Variants in ANKS1B observed in about 807,000 individuals in gnomAD.
ANKS1B encodes the protein ankyrin repeat and sterile alpha motif domain containing 1B.
In ANKS1B, 36 loss-of-function variants were observed where a neutral mutation model predicts 148.3. The observed-to-expected ratio is 0.24, with a 90% CI of 0.19 to 0.32. ANKS1B has a LOEUF of 0.32. Among genes scored for constraint, ANKS1B ranks in the 10% least tolerant of loss-of-function variants. The pLI, the probability that ANKS1B is intolerant of heterozygous loss-of-function variation, is 1.00. For synonymous variants in ANKS1B, 542 were observed against 560.8 expected, an observed-to-expected ratio of 0.97 and a Z score of 0.47; for missense variants, 1,157 against 1,542.6, an observed-to-expected ratio of 0.75 and a Z score of 4.19.
At chr12:99,305,269 T>C (rs1462382201) in intron 12 of ANKS1B, among the ~76,000 whole-genome samples, 1 of 152,106 alleles carries the variant, frequency 6.6e-6, no homozygotes, top group Non-Finnish European at 1.5e-5. Flanking sequence ...CATTTCAACA[T>C]GAGATTTGGA....
At chr12:99,565,321 C>T (rs1182235831) in intron 9 of ANKS1B, among the ~76,000 whole-genome samples, 2 of 152,236 alleles carry the variant, frequency 1.3e-5, no homozygotes, top group East Asian at 3.9e-4. Flanking sequence ...CCATTAAGTG[C>T]AGCTCCTGGG....
At chr12:99,451,243 ATACT>A (rs1226404641) in intron 10 of ANKS1B, among the ~76,000 whole-genome samples, 3 of 152,242 alleles carry the variant, frequency 2.0e-5, no homozygotes, top group Non-Finnish European at 1.5e-5. Context: ...ATTAGAAAAA[ATACT>A]TATAGTTTAT....
rs144084451 is a variant in ANKS1B, at chr12:99,123,246, G to A, written c.2526+31043C>T. 1.1e-3 allele frequency among the ~76,000 whole-genome samples: 174 copies of A among 152,096 alleles called. 3 individuals carry two copies. Among genetic ancestry groups the A allele is most frequent in the Admixed American group, 9.2e-4 (14 of 15,268 alleles). On this transcript the variant is annotated intron_variant, in intron 15 of 26. Coordinates refer to ENST00000683438, the MANE Select transcript of ANKS1B (RefSeq NM_001352186.2). ...GGAGACAGGTGCTGTGTTAGGGTGAGGAGAAAGTGCCTCTTGATATGGTGA... is the reference window on the plus strand; with the variant it reads ...GGAGACAGGTGCTGTGTTAGGGTGAAGAGAAAGTGCCTCTTGATATGGTGA...
At chr12:99,630,647 T>C (rs762926841) in intron 9 of ANKS1B, among the ~76,000 whole-genome samples, 4 of 152,186 alleles carry the variant, frequency 2.6e-5, no homozygotes, top group Non-Finnish European at 5.9e-5. Flanking sequence ...CTAAGGGAAT[T>C]ATTATTCTTT....
intron 12 of ANKS1B, among the ~76,000 whole-genome samples, chr12:99,379,950 C>G (rs1022976132): frequency 4.6e-5 from 7 of 152,196 alleles, no homozygotes; most frequent in Non-Finnish European, 1.0e-4. Context: ...GACTTAGAGT[C>G]TCTTTTGTGA....
At chr12:98,839,349 G>A (rs1299921171) in intron 17 of ANKS1B, among the ~76,000 whole-genome samples, 1 of 151,780 alleles carries the variant, frequency 6.6e-6, no homozygotes, top group African/African-American at 2.4e-5. Flanking sequence ...ACGTATGTGT[G>A]TGTATATTTG....
rs1388106659 is a variant in ANKS1B at position 99,782,112 on chromosome 12, G to A, written c.670-15C>T. 1 of 1,562,450 alleles carries A rather than the reference G, an allele frequency of 6.4e-7. No individual in the cohort carries two copies. Among genetic ancestry groups the A allele is most frequent in the Non-Finnish European group, 8.7e-7 (1 of 1,153,200 alleles). ...CCCTTTTCTGTCTGGAAAAAAAAAA[G>A]TAAGAAAAAAGAAAGCACGGTTGCA... On this transcript the variant is annotated splice_polypyrimidine_tract_variant and intron_variant, in intron 4 of 26. Coordinates refer to ENST00000683438, the MANE Select transcript of ANKS1B (RefSeq NM_001352186.2).
chr12:98,858,321 T>A (rs1595658386), intron 17 of ANKS1B, among the ~76,000 whole-genome samples: 1 of 152,210 alleles, frequency 6.6e-6, no homozygotes, highest in African/African-American at 2.4e-5. Flanking sequence ...GCTGGTCAGA[T>A]GAATGTAAGA....
At chr12:99,121,827 T>C (rs1039465470) in intron 15 of ANKS1B, among the ~76,000 whole-genome samples, 8 of 152,208 alleles carry the variant, frequency 5.3e-5, no homozygotes, top group African/African-American at 1.9e-4. Flanking sequence ...TAAGGGTAAC[T>C]GTTTTCCTTT....
chr12:99,890,243 G>A (rs2153746939), intron 1 of ANKS1B, among the ~76,000 whole-genome samples: 2 of 152,242 alleles, frequency 1.3e-5, no homozygotes, highest in East Asian at 3.9e-4. Context: ...ATTTTTAAAT[G>A]TAATTAACAT....
intron 9 of ANKS1B, among the ~76,000 whole-genome samples, chr12:99,539,217 G>T (rs1033417016): frequency 6.6e-6 from 1 of 152,060 alleles, no homozygotes; most frequent in African/African-American, 2.4e-5. Context: ...ATATAAGATA[G>T]TATAAATGTA....
rs1162681877 is a variant in ANKS1B, at chr12:98,751,719, T to C, written c.3580-197A>G. On this transcript the variant is annotated intron_variant, in intron 25 of 26. Coordinates refer to ENST00000683438, the MANE Select transcript of ANKS1B (RefSeq NM_001352186.2). This position sits in a 1 kb window ranked among gnomAD's most constrained non-coding sequence, Gnocchi z 4.3. ...AGGGTTTACACCAGGCTTTAGTCAT[T>C]TGTGAAAAGAAAAATCTTGGGACCT... Among the ~76,000 whole-genome samples the C allele has an allele frequency of 1.3e-5, 2 of 152,156 alleles. No homozygotes were observed. The highest frequency in any genetic ancestry group is 2.9e-5 in the Non-Finnish European group (2 of 68,032).
At chr12:98,858,417 C>T (rs1436301558) in intron 17 of ANKS1B, among the ~76,000 whole-genome samples, 1 of 152,218 alleles carries the variant, frequency 6.6e-6, no homozygotes, top group East Asian at 1.9e-4. Context: ...GATCATGGCT[C>T]ACTGTTGCCT....
At chr12:99,513,638 G>A (rs571884882) in intron 9 of ANKS1B, among the ~76,000 whole-genome samples, 1 of 152,048 alleles carries the variant, frequency 6.6e-6, no homozygotes, top group Non-Finnish European at 1.5e-5. Context: ...CCTGGGATAT[G>A]GTTCACTTTT....
At chr12:99,690,752 C>T (rs2098674847) in intron 8 of ANKS1B, among the ~76,000 whole-genome samples, 1 of 152,152 alleles carries the variant, frequency 6.6e-6, no homozygotes, top group Non-Finnish European at 1.5e-5. Flanking sequence ...TGAGTGTCTG[C>T]CGGTTTTCCA....
intron 8 of ANKS1B, among the ~76,000 whole-genome samples, chr12:99,715,626 A>C (rs1217356529): frequency 1.3e-5 from 2 of 152,114 alleles, no homozygotes; most frequent in African/African-American, 2.4e-5. Flanking sequence ...GGACCCTTGG[A>C]GATCCCTTGG....
chr12:99,501,335 T>C (rs1002829553), intron 10 of ANKS1B, among the ~76,000 whole-genome samples: 2 of 152,176 alleles, frequency 1.3e-5, no homozygotes, highest in African/African-American at 4.8e-5. Context: ...AGGAAAATTA[T>C]TCATAGAAAT....
chr12:99,393,093 A>AGAC (rs2094130406), intron 12 of ANKS1B, among the ~76,000 whole-genome samples: 6 of 124,552 alleles, frequency 4.8e-5, no homozygotes, highest in African/African-American at 2.4e-4. Context: ...ATCGATAGAC[A>AGAC]GATGATAGAT....
At chr12:99,512,653 A>G (rs956388982) in intron 9 of ANKS1B, among the ~76,000 whole-genome samples, 1 of 152,178 alleles carries the variant, frequency 6.6e-6, no homozygotes. Flanking sequence ...GGTCAACCCA[A>G]ATGGCCACCA....
Sources: gnomAD v4.1 joint callset for allele counts (sites outside exome capture counted in the v4.1 genomes callset) on GRCh38, gnomAD v4.1.1 for gene constraint, Gnocchi (gnomAD v3.1) non-coding constraint, MANE v1.5 for transcripts, NCBI Gene and HGNC (gene_info 2026-07-23, HGNC 2026-07-21) for gene names.